Variants in PHC2 observed in about 807,000 individuals in gnomAD.
PHC2 encodes the protein polyhomeotic-like protein 2.
PHC2 carries 29 observed loss-of-function variants against 87.4 expected under a neutral mutation model. That is an observed-to-expected ratio of 0.33 (90% CI 0.25 to 0.45). PHC2 has a LOEUF of 0.45. PHC2 is among the 20% of genes least tolerant of loss of function. The probability of loss-of-function intolerance (pLI) is 1.00; values close to 1 mark genes in which losing one functional copy is unlikely to be tolerated. For missense variants in PHC2, 857 were observed against 1,136.7 expected (o/e 0.75, Z 3.54); for synonymous variants, 438 against 461.7 (o/e 0.95, Z 0.66).
In PHC2 at chr1:33,328,865, C is replaced by A; in HGVS notation, c.2425+5G>T. 6.2e-7 allele frequency: 1 copy of A among 1,600,226 alleles called. No individual in the cohort carries two copies. The highest frequency in any genetic ancestry group is 8.6e-7 in the Non-Finnish European group (1 of 1,168,990). On this transcript the variant is annotated splice_donor_5th_base_variant and intron_variant, in intron 14 of 14. Transcript: ENST00000683057. Reference sequence around the variant, plus strand: ...GGGGAGACATGGAATTTCCAAGGGCCTTACCTGGCAGAGAGCGGATGAATT... The same window carrying A: ...GGGGAGACATGGAATTTCCAAGGGCATTACCTGGCAGAGAGCGGATGAATT...
chr1:33,411,214 T>G (rs1401457104), intron 1 of PHC2, among the ~76,000 whole-genome samples: 2 of 152,234 alleles, frequency 1.3e-5, no homozygotes, highest in Non-Finnish European at 2.9e-5. Flanking sequence ...AAATATGATA[T>G]TCTCCTTGTA....
At chr1:33,413,337 G>A (rs1423910749) in intron 1 of PHC2, among the ~76,000 whole-genome samples, 4 of 152,178 alleles carry the variant, frequency 2.6e-5, no homozygotes, top group Non-Finnish European at 2.9e-5. Flanking sequence ...AACTACTGTT[G>A]CTAAATTGAC....
intron 7 of PHC2, among the ~76,000 whole-genome samples, chr1:33,356,888 C>T (rs1484801605): frequency 3.3e-5 from 5 of 152,168 alleles, no homozygotes; most frequent in Non-Finnish European, 7.4e-5. Context: ...CGCCCCCCCA[C>T]CTCCCAGACG....
chr1:33,423,786 T>C (rs1192694156), intron 1 of PHC2, among the ~76,000 whole-genome samples: 1 of 152,158 alleles, frequency 6.6e-6, no homozygotes, highest in Non-Finnish European at 1.5e-5. Flanking sequence ...ACAATGAAAA[T>C]ACATATTTTT....
chr1:33,328,168 T>C (rs1456990452), intron 14 of PHC2, among the ~76,000 whole-genome samples: 1 of 152,108 alleles, frequency 6.6e-6, no homozygotes, highest in Non-Finnish European at 1.5e-5. Context: ...CATCTGTGAA[T>C]GATGTAAGGC....
intron 14 of PHC2, 144 bp from the exon 15 acceptor site, chr1:33,325,163 C>G: frequency 1.2e-6 from 1 of 812,606 alleles, no homozygotes; most frequent in Non-Finnish European, 1.9e-6. Context: ...GAAGGCGCTG[C>G]TGTTCTTATT....
chr1:33,354,929 T>C lies in PHC2; in HGVS notation c.1301A>G (p.Asn434Ser), dbSNP rs1647041652. Reference protein sequence around the residue: ...HPPTPDTGPQNGHPEGVPHTP... With the variant: ...HPPTPDTGPQSGHPEGVPHTP... ...GTGGGGCACGCCCTCGGGATGTCCA[T>C]TCTGAGGCCCAGTATCAGGTGTGGG... The change falls in exon 8 of 15, where the codon AAT (asparagine) becomes AGT (serine). Residue 434 changes from asparagine to serine, a missense_variant. Physicochemically the swap from Asn to Ser is conservative, Grantham distance 46. This residue lies in a region of PHC2 where 832 missense variants were observed against 1,081.8 expected (regional missense o/e 0.77). Coordinates refer to ENST00000683057, the MANE Select transcript of PHC2 (RefSeq NM_001385109.1). The C allele has an allele frequency of 3.7e-6, 6 of 1,614,098 alleles. 1 individual carries two copies. The highest frequency in any genetic ancestry group is 1.6e-4 in the Middle Eastern group (1 of 6,084).
chr1:33,381,085 T>C (rs931037905), intron 1 of PHC2, among the ~76,000 whole-genome samples: 3 of 152,188 alleles, frequency 2.0e-5, no homozygotes, highest in Admixed American at 2.0e-4. Flanking sequence ...AAATATGCAC[T>C]GAATGCAACC....
intron 9 of PHC2, among the ~76,000 whole-genome samples, chr1:33,351,220 T>C (rs1369314319): frequency 6.6e-6 from 1 of 152,242 alleles, no homozygotes; most frequent in Non-Finnish European, 1.5e-5. Flanking sequence ...AATAGAACTT[T>C]ATTTATGGGC....
At chr1:33,354,655 G>GC (rs1220801398) in intron 8 of PHC2, 89 bp from the exon 9 acceptor site, 1 of 1,422,676 alleles carries the variant, frequency 7.0e-7, no homozygotes, top group African/African-American at 1.4e-5. Flanking sequence ...AGCTTGGGAA[G>GC]CAGGTAAGGA....
chr1:33,406,018 G>A (rs1649747695), intron 1 of PHC2, among the ~76,000 whole-genome samples: 1 of 151,922 alleles, frequency 6.6e-6, no homozygotes. Flanking sequence ...TGACAATTGT[G>A]TTATTCAAAT....
chr1:33,389,179 G>C (rs1408574158), intron 1 of PHC2, among the ~76,000 whole-genome samples: 1 of 152,064 alleles, frequency 6.6e-6, no homozygotes, highest in Non-Finnish European at 1.5e-5. Context: ...TGTTTGGCAG[G>C]GTGTGGGGGG....
At chr1:33,416,455 A>T (rs1393423667) in intron 1 of PHC2, among the ~76,000 whole-genome samples, 5 of 151,864 alleles carry the variant, frequency 3.3e-5, no homozygotes, top group African/African-American at 1.2e-4. Context: ...AGGCACCTGT[A>T]GTCCCAGCTA....
At chr1:33,425,992 G>A (rs182077784) in intron 1 of PHC2, among the ~76,000 whole-genome samples, 20 of 152,304 alleles carry the variant, frequency 1.3e-4, no homozygotes, top group Admixed American at 1.1e-3. Context: ...GTTGGTTGGC[G>A]TAGGACTTGG....
intron 1 of PHC2, among the ~76,000 whole-genome samples, chr1:33,377,288 T>C (rs1648234024): frequency 1.3e-5 from 2 of 152,216 alleles, no homozygotes; most frequent in Admixed American, 6.5e-5. Flanking sequence ...CACTGGCTCT[T>C]GTGGCCTGGT....
At position 33,369,936 on chromosome 1, in the gene PHC2, C is replaced by G. The variant is rs971504738; in HGVS notation, c.576+485G>C. 6.6e-6 allele frequency among the ~76,000 whole-genome samples: 1 copy of G among 152,124 alleles called. No homozygotes were observed. The highest frequency in any genetic ancestry group is 2.4e-5 in the African/African-American group (1 of 41,426). On this transcript the variant is annotated intron_variant, in intron 5 of 14. Transcript: ENST00000683057. The surrounding 1 kb of genome is among the most constrained non-coding windows in gnomAD (Gnocchi z 4.7). ...CCTGCCCAAACAAGCTCACCTGACC[C>G]TGATTAGAATGGGGGCCGCTGGGAG... is the stretch of plus-strand genomic sequence containing the variant.
intron 1 of PHC2, among the ~76,000 whole-genome samples, chr1:33,403,739 A>G (rs12033491): frequency 0.17 from 26,161 of 152,138 alleles, 2,777 homozygotes; most frequent in South Asian, 0.27. Flanking sequence ...AGAGACTTCA[A>G]TGTCACTAAA....
chr1:33,363,582 G>A (rs1049748836), intron 7 of PHC2, among the ~76,000 whole-genome samples: 21 of 152,174 alleles, frequency 1.4e-4, no homozygotes, highest in Admixed American at 6.5e-4. Flanking sequence ...CAGAGTTCTC[G>A]CTCCTCAGCT....
chr1:33,357,963 A>G (rs1374641948), intron 7 of PHC2, among the ~76,000 whole-genome samples: 3 of 152,208 alleles, frequency 2.0e-5, no homozygotes, highest in Admixed American at 6.5e-5. Flanking sequence ...AAGAGGATCA[A>G]TGGCATGCCC....
Sources: gnomAD v4.1 joint callset for allele counts (sites outside exome capture counted in the v4.1 genomes callset) on GRCh38, gnomAD v4.1.1 for gene constraint, gnomAD v4.1.1 regional missense constraint, Gnocchi (gnomAD v3.1) non-coding constraint, MANE v1.5 for transcripts, NCBI Gene and HGNC (gene_info 2026-07-23, HGNC 2026-07-21) for gene names.